KHDRBS2: variants seen among roughly 807,000 people sequenced by gnomAD.
KHDRBS2 encodes the protein KH domain-containing, RNA-binding, signal transduction-associated protein 2.
A neutral mutation model predicts 44.3 loss-of-function variants in KHDRBS2; 26 were observed. The ratio of observed to expected loss-of-function variants is 0.59; its 90% confidence interval spans 0.43 to 0.81. KHDRBS2 has a LOEUF of 0.81. Ranked by LOEUF, KHDRBS2 falls within the 40% of genes least tolerant of loss-of-function variation. KHDRBS2 has a pLI of 0.00. For missense variants in KHDRBS2, 476 were observed against 433.1 expected (o/e 1.10, Z -0.88); for synonymous variants, 194 against 151.1 (o/e 1.28, Z -2.08).
intron 7 of KHDRBS2, among the ~76,000 whole-genome samples, chr6:61,722,772 C>T (rs575894976): frequency 2.1e-4 from 32 of 151,502 alleles, no homozygotes; most frequent in Admixed American, 2.6e-4. Flanking sequence ...TACAGTGGCG[C>T]GATCTTGGCT....
At chr6:62,092,653 C>T (rs1471611430) in intron 2 of KHDRBS2, among the ~76,000 whole-genome samples, 2 of 152,086 alleles carry the variant, frequency 1.3e-5, no homozygotes, top group Non-Finnish European at 2.9e-5. Flanking sequence ...AGTATTTCTC[C>T]CTGGAATAGC....
chr6:61,799,713 G>A (rs1785958029), intron 6 of KHDRBS2, among the ~76,000 whole-genome samples: 1 of 151,960 alleles, frequency 6.6e-6, no homozygotes, highest in Non-Finnish European at 1.5e-5. Flanking sequence ...AATGTATTGA[G>A]ATAGTGCTTA....
chr6:61,551,801 C>T, the KHDRBS2 span, among the ~76,000 whole-genome samples: 5 of 152,124 alleles, frequency 3.3e-5, no homozygotes, highest in African/African-American at 7.2e-5. Context: ...AACATGATGC[C>T]TTCTGCTCTG....
intron 6 of KHDRBS2, among the ~76,000 whole-genome samples, chr6:61,760,676 C>T (rs1779147376): frequency 6.6e-6 from 1 of 151,834 alleles, no homozygotes; most frequent in Non-Finnish European, 1.5e-5. Context: ...AAGCCATTAG[C>T]AATGGAATAG....
intron 1 of KHDRBS2, among the ~76,000 whole-genome samples, chr6:62,251,183 T>C (rs1291760521): frequency 6.6e-6 from 1 of 151,692 alleles, no homozygotes; most frequent in Admixed American, 6.6e-5. Context: ...TGAATATAAC[T>C]ATAAGTTATA....
intron 6 of KHDRBS2, among the ~76,000 whole-genome samples, chr6:61,846,773 C>T (rs1304647128): frequency 8.4e-6 from 1 of 119,284 alleles, no homozygotes; most frequent in Non-Finnish European, 1.8e-5. Flanking sequence ...ATGATATAGC[C>T]CTTGTAAGTA....
At chr6:61,601,408 A>T in the KHDRBS2 span, among the ~76,000 whole-genome samples, 1 of 152,012 alleles carries the variant, frequency 6.6e-6, no homozygotes, top group African/African-American at 2.4e-5. Flanking sequence ...TCTGACTTAA[A>T]ATCTAAGCAT....
intron 6 of KHDRBS2, among the ~76,000 whole-genome samples, chr6:61,760,603 G>C (rs558092600): frequency 6.6e-6 from 1 of 151,774 alleles, no homozygotes; most frequent in Admixed American, 6.6e-5. Flanking sequence ...ATGCACTCCA[G>C]CCTGGGCAAC....
At chr6:61,553,145 T>C in the KHDRBS2 span, among the ~76,000 whole-genome samples, 1 of 152,216 alleles carries the variant, frequency 6.6e-6, no homozygotes, top group African/African-American at 2.4e-5. Flanking sequence ...CTTTTTTGGA[T>C]AGTAGGCTTT....
chr6:61,757,570 C>T (rs1438596098), intron 6 of KHDRBS2, among the ~76,000 whole-genome samples: 1 of 152,054 alleles, frequency 6.6e-6, no homozygotes, highest in Non-Finnish European at 1.5e-5. Context: ...AAATCATTTA[C>T]ATTTTGTGTG....
rs562340203 is a variant in KHDRBS2 at position 62,114,257 on chromosome 6, A to T, written c.219+62928T>A. On this transcript the variant is annotated intron_variant, in intron 2 of 8. Transcript: ENST00000281156. ...TATCCTGTGGAATTAAACAAGGTGC[A>T]TAAGATGCTTCAGTAACAAAATCCA... 8.5e-5 allele frequency among the ~76,000 whole-genome samples: 13 copies of T among 152,246 alleles called. No homozygotes were observed. In the South Asian group the frequency reaches 2.5e-3, roughly 29 times the overall value.
At chr6:62,054,317 C>T (rs565816275) in intron 2 of KHDRBS2, among the ~76,000 whole-genome samples, 9 of 152,116 alleles carry the variant, frequency 5.9e-5, no homozygotes, top group African/African-American at 9.6e-5. Flanking sequence ...AGCATCCAGT[C>T]CTGGGGCACA....
At chr6:62,056,767 T>G (rs368292169) in intron 2 of KHDRBS2, among the ~76,000 whole-genome samples, 80 of 152,068 alleles carry the variant, frequency 5.3e-4, no homozygotes, top group African/African-American at 1.9e-3. Context: ...AAGTGATGTC[T>G]CCACCAGGAA....
chr6:61,871,026 T>C lies in KHDRBS2; in HGVS notation c.810+23609A>G, dbSNP rs1220338310. Among the ~76,000 whole-genome samples, 5 of 152,138 alleles carry C rather than the reference T, an allele frequency of 3.3e-5. No individual in the cohort carries two copies. In the East Asian group the frequency reaches 7.7e-4, roughly 24 times the overall value. On this transcript the variant is annotated intron_variant, in intron 6 of 8. Coordinates refer to ENST00000281156, the MANE Select transcript of KHDRBS2 (RefSeq NM_152688.4). Reference sequence around the variant, plus strand: ...AATGAGTTTGACGCACTGACAGAAGTAGGCTTCAGAAAGTGGGTAATAACA... The same window carrying C: ...AATGAGTTTGACGCACTGACAGAAGCAGGCTTCAGAAAGTGGGTAATAACA...
intron 3 of KHDRBS2, among the ~76,000 whole-genome samples, chr6:61,985,658 A>G (rs1032058914): frequency 6.6e-6 from 1 of 152,188 alleles, no homozygotes; most frequent in African/African-American, 2.4e-5. Flanking sequence ...CGTTATATGT[A>G]AAAATTTCAG....
intron 2 of KHDRBS2, among the ~76,000 whole-genome samples, chr6:62,138,734 A>T (rs1292728680): frequency 6.6e-6 from 1 of 152,200 alleles, no homozygotes; most frequent in Non-Finnish European, 1.5e-5. Flanking sequence ...TACTTTGCAG[A>T]TATGACTTAT....
At position 62,286,118 on chromosome 6, in the gene KHDRBS2, G is replaced by A. The variant is rs1226613653; in HGVS notation, c.-170C>T. On this transcript the variant is annotated 5_prime_UTR_variant, in exon 1 of 9. Coordinates refer to ENST00000281156, the MANE Select transcript of KHDRBS2 (RefSeq NM_152688.4). The stretch of plus-strand genomic sequence containing the variant: ...CCCAGCACCTGCGACTCCCGCCGTC[G>A]GGCTGCGTGGCCCCGCGCCCACACC... 2 of 578,422 alleles carry A rather than the reference G, an allele frequency of 3.5e-6. No homozygotes were observed. Among genetic ancestry groups the A allele is most frequent in the East Asian group, 3.1e-5 (1 of 31,872 alleles). The allele number at this position is 578,422 out of a possible 1,614,324, so 35.8% of individuals were successfully genotyped here. A position where few individuals can be genotyped will look rare whatever the true frequency, so the allele number is the denominator to read the frequency against.
At chr6:62,269,260 T>G (rs1039762205) in intron 1 of KHDRBS2, among the ~76,000 whole-genome samples, 1 of 142,712 alleles carries the variant, frequency 7.0e-6, no homozygotes, top group African/African-American at 2.9e-5. Flanking sequence ...TCAGCAAAAT[T>G]AATAACTTCT....
chr6:62,170,970 A>T (rs1819877368), intron 2 of KHDRBS2, among the ~76,000 whole-genome samples: 2 of 145,382 alleles, frequency 1.4e-5, no homozygotes, highest in African/African-American at 5.0e-5. Flanking sequence ...AAAAAAAACC[A>T]ACCAAAGGAC....
Sources: allele counts gnomAD v4.1 joint callset (sites outside exome capture counted in the v4.1 genomes callset), GRCh38; gene constraint gnomAD v4.1.1; transcripts MANE v1.5; gene names NCBI Gene and HGNC (gene_info 2026-07-23, HGNC 2026-07-21).